The following TRPM3 variants were observed in gnomAD, a reference collection of about 807,000 sequenced individuals.
The protein encoded by TRPM3 is transient receptor potential cation channel subfamily M member 3.
In TRPM3, 77 loss-of-function variants were observed where a neutral mutation model predicts 181.2. The observed-to-expected ratio is 0.42, with a 90% confidence interval of 0.35 to 0.51. TRPM3 has a LOEUF of 0.51. TRPM3 is among the 20% of genes least tolerant of loss of function. The pLI is 0.01. For synonymous variants in TRPM3, 745 were observed against 796.4 expected, an observed-to-expected ratio of 0.94 and a Z score of 1.09; for missense variants, 1,759 against 2,196.7, an observed-to-expected ratio of 0.80 and a Z score of 3.98.
intron 6 of TRPM3, among the ~76,000 whole-genome samples, chr9:70,810,537 C>T (rs1455543469): frequency 6.6e-6 from 1 of 152,128 alleles, no homozygotes; most frequent in Non-Finnish European, 1.5e-5. Flanking sequence ...CCACCATCTT[C>T]TTCCCAAAGT....
rs183006778 is a variant in TRPM3 at position 70,974,266 on chromosome 9, G to A, written c.178-109755C>T. 2.3e-4 allele frequency among the ~76,000 whole-genome samples: 35 copies of A among 152,152 alleles called. No homozygotes were observed. The East Asian group carries it at 4.4e-3, about 19-fold the overall frequency. On this transcript the variant is annotated intron_variant, in intron 1 of 25. Coordinates refer to ENST00000677713, the MANE Select transcript of TRPM3 (RefSeq NM_001366145.2). ...GTTTAAATAATTTACGTGGCCGGGC[G>A]CGGTGGTTCACGCCTGTAATACCAA... is the stretch of plus-strand genomic sequence containing the variant.
chr9:71,103,035 A>G (rs1457476139), intron 1 of TRPM3, among the ~76,000 whole-genome samples: 1 of 152,120 alleles, frequency 6.6e-6, no homozygotes, highest in Non-Finnish European at 1.5e-5. Flanking sequence ...AATTTTTTTT[A>G]GTTAATCAAA....
At chr9:71,212,271 C>T (rs1009057562) in intron 1 of TRPM3, among the ~76,000 whole-genome samples, 15 of 152,036 alleles carry the variant, frequency 9.9e-5, no homozygotes, top group African/African-American at 3.6e-4. Flanking sequence ...TGTGTACCAC[C>T]CAGCCCACAT....
At chr9:71,016,775 C>T (rs760446579) in intron 1 of TRPM3, among the ~76,000 whole-genome samples, 26 of 152,088 alleles carry the variant, frequency 1.7e-4, no homozygotes, top group South Asian at 4.2e-4. Context: ...TATACCCAGA[C>T]GTGGAATTGG....
At chr9:71,176,171 G>A (rs1017728738) in intron 1 of TRPM3, among the ~76,000 whole-genome samples, 4 of 152,068 alleles carry the variant, frequency 2.6e-5, no homozygotes, top group Non-Finnish European at 2.9e-5. Flanking sequence ...AATGTTAACT[G>A]TAAACAGCCT....
intron 1 of TRPM3, among the ~76,000 whole-genome samples, chr9:71,382,305 T>G (rs2092818766): frequency 6.6e-6 from 1 of 152,178 alleles, no homozygotes; most frequent in East Asian, 1.9e-4. Context: ...TTATAGGATT[T>G]ACCATGTGCC....
At chr9:70,904,259 T>C (rs550853401) in intron 1 of TRPM3, among the ~76,000 whole-genome samples, 23 of 152,282 alleles carry the variant, frequency 1.5e-4, no homozygotes, top group Admixed American at 4.6e-4. Context: ...CCTCACTCTT[T>C]TGGCAAACTT....
At chr9:70,556,946 G>C (rs1233351425) in intron 22 of TRPM3, among the ~76,000 whole-genome samples, 1 of 152,112 alleles carries the variant, frequency 6.6e-6, no homozygotes, top group African/African-American at 2.4e-5. Flanking sequence ...AGTCATGATT[G>C]GTATTTTTAT....
At chr9:70,593,942 T>C (rs371961867) in intron 21 of TRPM3, among the ~76,000 whole-genome samples, 1 of 147,258 alleles carries the variant, frequency 6.8e-6, no homozygotes, top group South Asian at 2.1e-4. Flanking sequence ...GTATATATAA[T>C]ATATAATGTG....
chr9:71,225,464 C>G (rs1004042736), intron 1 of TRPM3, among the ~76,000 whole-genome samples: 37 of 152,066 alleles, frequency 2.4e-4, no homozygotes, highest in Middle Eastern at 3.4e-3. Context: ...CAGAGCTGTC[C>G]TACAAGAAAT....
At chr9:71,390,675 A>T (rs1280437851) in intron 1 of TRPM3, among the ~76,000 whole-genome samples, 4 of 152,034 alleles carry the variant, frequency 2.6e-5, no homozygotes, top group Admixed American at 1.3e-4. Flanking sequence ...TCAATCATTG[A>T]TTCTCAAGTA....
intron 3 of TRPM3, among the ~76,000 whole-genome samples, chr9:70,858,068 A>G (rs2095431457): frequency 6.6e-6 from 1 of 152,110 alleles, no homozygotes; most frequent in Admixed American, 6.6e-5. Context: ...CTCCAACTTT[A>G]TCCTCTACCC....
At chr9:71,063,181 C>T (rs567956864) in intron 1 of TRPM3, among the ~76,000 whole-genome samples, 1 of 152,198 alleles carries the variant, frequency 6.6e-6, no homozygotes, top group Admixed American at 6.5e-5. Flanking sequence ...TCTATCACAG[C>T]ACTCACCTTC....
intron 1 of TRPM3, among the ~76,000 whole-genome samples, chr9:71,340,041 C>G (rs1289640452): frequency 6.7e-6 from 1 of 150,034 alleles, no homozygotes; most frequent in Admixed American, 6.6e-5. Flanking sequence ...CATTGTAAGG[C>G]TAAAGACAAA....
chr9:70,819,059 G>T (rs2092939673), intron 6 of TRPM3, among the ~76,000 whole-genome samples: 1 of 152,220 alleles, frequency 6.6e-6, no homozygotes, highest in African/African-American at 2.4e-5. Context: ...GACAAGTGAG[G>T]AGAGGGTTAT....
At chr9:70,908,109 T>C (rs1297152384) in intron 1 of TRPM3, among the ~76,000 whole-genome samples, 1 of 152,164 alleles carries the variant, frequency 6.6e-6, no homozygotes, top group Non-Finnish European at 1.5e-5. Flanking sequence ...GAATCAACAA[T>C]ATATATTAAA....
At chr9:71,349,013 A>G (rs1023011251) in intron 1 of TRPM3, among the ~76,000 whole-genome samples, 6 of 152,220 alleles carry the variant, frequency 3.9e-5, no homozygotes, top group African/African-American at 9.6e-5. Context: ...CAAATCAAAC[A>G]TGCTGTGCTT....
chr9:70,850,121 G>C (rs2095165040), intron 3 of TRPM3, among the ~76,000 whole-genome samples: 1 of 152,146 alleles, frequency 6.6e-6, no homozygotes, highest in African/African-American at 2.4e-5. Context: ...AGAATACAGA[G>C]TAAATGTTGA....
chr9:71,290,028 A>C (rs1210781006), intron 1 of TRPM3, among the ~76,000 whole-genome samples: 1 of 152,004 alleles, frequency 6.6e-6, no homozygotes, highest in East Asian at 1.9e-4. Context: ...TCAAAGTATC[A>C]CATGTACCCC....
Sources: gnomAD v4.1 joint callset for allele counts (sites outside exome capture counted in the v4.1 genomes callset) on GRCh38, gnomAD v4.1.1 for gene constraint, MANE v1.5 for transcripts, NCBI Gene and HGNC (gene_info 2026-07-23, HGNC 2026-07-21) for gene names.